The following SLC39A14 variants were observed in gnomAD, a reference collection of about 807,000 sequenced individuals.
SLC39A14 encodes the protein solute carrier family 39 member 14, also known as metal cation symporter ZIP14.
SLC39A14 carries 19 observed loss-of-function variants against 45.5 expected under a neutral mutation model. The observed-to-expected ratio is 0.42, with a 90% CI of 0.29 to 0.61. SLC39A14 has a LOEUF of 0.61. Among genes scored for constraint, SLC39A14 ranks in the 20% least tolerant of loss-of-function variants. The pLI is 0.22. For synonymous variants in SLC39A14, 264 were observed against 251.3 expected, an observed-to-expected ratio of 1.05 and a Z score of -0.48; for missense variants, 447 against 616.5, an observed-to-expected ratio of 0.73 and a Z score of 2.91.
Position 22,404,827 on chromosome 8 carries a change from C to G in SLC39A14, c.117C>G (p.Ser39Arg). Residue 39 changes from serine (S) to arginine (R), a missense_variant, in exon 2 of 9, where the codon AGC (serine) becomes AGG (arginine). Physicochemically the swap from Ser to Arg is moderately radical, Grantham distance 110 (BLOSUM62 -1). Around this residue, in one of 2 missense-constraint regions of SLC39A14, gnomAD observed 342 missense variants for 428.1 expected, o/e 0.80. Coordinates refer to ENST00000381237, the MANE Select transcript of SLC39A14 (RefSeq NM_001128431.4). The part of the protein sequence containing the change: ...HASSLGAPAI[S>R]AASFLQDLIH... ...CATCCCTGGGTGCACCAGCTATCAGCGCTGCCTCCTTCCTGCAGGATCTAA... is the reference window on the plus strand; with the variant it reads ...CATCCCTGGGTGCACCAGCTATCAGGGCTGCCTCCTTCCTGCAGGATCTAA... The G allele has an allele frequency of 6.2e-7, 1 of 1,613,622 alleles. No homozygotes were observed. Among genetic ancestry groups the G allele is most frequent in the East Asian group, 2.2e-5 (1 of 44,880 alleles).
Position 22,404,802 on chromosome 8 carries a change from C to T in SLC39A14, c.92C>T (p.Ser31Leu). Reference protein sequence around the residue: ...LWRTTPEAHASSLGAPAISAA... With the variant: ...LWRTTPEAHALSLGAPAISAA... Reference sequence around the variant, plus strand: ...AGAACCACCCCTGAGGCTCACGCTTCATCCCTGGGTGCACCAGCTATCAGC... The same window carrying T: ...AGAACCACCCCTGAGGCTCACGCTTTATCCCTGGGTGCACCAGCTATCAGC... Residue 31 changes from serine (S) to leucine (L), a missense_variant, in exon 2 of 9, where the codon TCA becomes TTA. Around this residue, in one of 2 missense-constraint regions of SLC39A14, gnomAD observed 342 missense variants for 428.1 expected, o/e 0.80. Coordinates refer to ENST00000381237, the MANE Select transcript of SLC39A14 (RefSeq NM_001128431.4). 6.2e-7 allele frequency: 1 copy of T among 1,613,560 alleles called. No homozygotes were observed. Among genetic ancestry groups the T allele is most frequent in the Non-Finnish European group, 8.5e-7 (1 of 1,179,514 alleles).
At chr8:22,407,202 A>T (rs1835274980) in intron 2 of SLC39A14, among the ~76,000 whole-genome samples, 1 of 152,162 alleles carries the variant, frequency 6.6e-6, no homozygotes. Context: ...ATCGGGCAGC[A>T]CCACAGTTTT....
At chr8:22,377,816 C>T (rs1833296574) in intron 1 of SLC39A14, among the ~76,000 whole-genome samples, 1 of 152,172 alleles carries the variant, frequency 6.6e-6, no homozygotes, top group African/African-American at 2.4e-5. Flanking sequence ...TCTGATTTTA[C>T]ATACTCTGTG....
chr8:22,391,951 C>G (rs901579230), intron 1 of SLC39A14, among the ~76,000 whole-genome samples: 1 of 152,222 alleles, frequency 6.6e-6, no homozygotes, highest in Non-Finnish European at 1.5e-5. Context: ...CTGTCTCTAG[C>G]ACATTATGTG....
At chr8:22,407,239 A>G (rs952966747) in intron 2 of SLC39A14, among the ~76,000 whole-genome samples, 4 of 152,212 alleles carry the variant, frequency 2.6e-5, no homozygotes, top group African/African-American at 9.6e-5. Context: ...TAGACATTTC[A>G]GCTTCAGAGA....
intron 8 of SLC39A14, among the ~76,000 whole-genome samples, chr8:22,418,399 G>A (rs1046109751): frequency 3.1e-4 from 47 of 152,194 alleles, no homozygotes; most frequent in African/African-American, 1.1e-3. Context: ...AATTATTATG[G>A]AATGGCTGTA....
At chr8:22,417,542 A>T (rs1835960137) in intron 7 of SLC39A14, 109 bp from the exon 8 acceptor site, 3 of 905,754 alleles carry the variant, frequency 3.3e-6, no homozygotes. Context: ...GAGCTCAAAC[A>T]GTCCTCCCAG....
chr8:22,422,600 T>C lies in SLC39A14; in HGVS notation c.*2902T>C. The C allele has an allele frequency of 1.0e-5, 10 of 983,962 alleles. No individual in the cohort carries two copies. The highest frequency in any genetic ancestry group is 1.2e-5 in the Non-Finnish European group (10 of 828,300). 61.0% of individuals were successfully genotyped at this position (983,962 alleles called of 1,614,324 possible). Reference sequence around the variant, plus strand: ...ATAACTCAGGTGTATGAGAAGAAATTAGAAAAGAAAATTAACTTATGTGGA... The same window carrying C: ...ATAACTCAGGTGTATGAGAAGAAATCAGAAAAGAAAATTAACTTATGTGGA... On this transcript the variant is annotated 3_prime_UTR_variant, in exon 9 of 9. Coordinates refer to ENST00000381237, the MANE Select transcript of SLC39A14 (RefSeq NM_001128431.4).
intron 3 of SLC39A14, chr8:22,409,899 C>G (rs758049906): frequency 6.2e-7 from 1 of 1,606,454 alleles, no homozygotes; most frequent in South Asian, 1.1e-5. Context: ...CAGGAGTGTC[C>G]CCACCCTCAG....
chr8:22,412,227 C>T, intron 4 of SLC39A14, 21 bp downstream of exon 4: 2 of 1,550,034 alleles, frequency 1.3e-6, no homozygotes, highest in Non-Finnish European at 1.7e-6. Flanking sequence ...CCAGGGCCTT[C>T]ACCCCGGAGC....
chr8:22,410,824 C>T (rs185071800), intron 3 of SLC39A14, among the ~76,000 whole-genome samples: 2 of 152,176 alleles, frequency 1.3e-5, no homozygotes, highest in African/African-American at 4.8e-5. Flanking sequence ...CCCAAGTTGA[C>T]AGTCTGCCCA....
intron 1 of SLC39A14, among the ~76,000 whole-genome samples, chr8:22,391,457 A>G (rs1369552540): frequency 3.3e-5 from 5 of 152,178 alleles, no homozygotes; most frequent in African/African-American, 1.2e-4. Context: ...TTTACTCTAG[A>G]GAAGTGCATA....
chr8:22,392,046 A>G (rs1169905417), intron 1 of SLC39A14, among the ~76,000 whole-genome samples: 1 of 152,224 alleles, frequency 6.6e-6, no homozygotes, highest in East Asian at 1.9e-4. Flanking sequence ...CATTTCAGAA[A>G]GTTATCTTCA....
downstream of SLC39A14, among the ~76,000 whole-genome samples, chr8:22,426,662 T>G (rs1164456019): frequency 6.6e-6 from 1 of 152,138 alleles, no homozygotes; most frequent in Non-Finnish European, 1.5e-5. Flanking sequence ...GTTTTTTTGA[T>G]GAAGTAATTC....
intron 1 of SLC39A14, among the ~76,000 whole-genome samples, chr8:22,369,610 A>G (rs554916690): frequency 1.5e-3 from 224 of 152,358 alleles, no homozygotes; most frequent in African/African-American, 5.1e-3. Context: ...CATACTGTGC[A>G]CAGTTCAGTT....
chr8:22,367,582 C>A lies in SLC39A14; in HGVS notation c.-16+174C>A, dbSNP rs900753748. ...TGGAGGCTGCACCTGGCCGTGGTGC[C>A]GCGCTGGCGAGGGGAGAGGTCAAGG... On this transcript the variant is annotated intron_variant, in intron 1 of 8. Coordinates refer to ENST00000381237, the MANE Select transcript of SLC39A14 (RefSeq NM_001128431.4). This position sits in a 1 kb window ranked among gnomAD's most constrained non-coding sequence, Gnocchi z 4.2. 1 of 152,504 alleles carries A rather than the reference C, an allele frequency of 6.6e-6. No individual in the cohort carries two copies. Among genetic ancestry groups the A allele is most frequent in the East Asian group, 1.9e-4 (1 of 5,188 alleles). 9.4% of individuals were successfully genotyped at this position (152,504 alleles called of 1,614,324 possible). A position where few individuals can be genotyped will look rare whatever the true frequency, so the allele number is the denominator to read the frequency against.
chr8:22,429,525 G>A (rs951727305), intron 8 of SLC39A14, among the ~76,000 whole-genome samples: 1 of 152,144 alleles, frequency 6.6e-6, no homozygotes, highest in Non-Finnish European at 1.5e-5. Flanking sequence ...TTTGTTCTTT[G>A]GATTCCTTTG....
At chr8:22,379,601 G>A (rs910476250) in intron 1 of SLC39A14, 7 of 152,228 alleles carry the variant, frequency 4.6e-5, no homozygotes, top group African/African-American at 1.7e-4. Context: ...TGTCTTTGTG[G>A]ATTCAATCAA....
chr8:22,384,002 T>C (rs1833650530), intron 1 of SLC39A14, among the ~76,000 whole-genome samples: 1 of 152,224 alleles, frequency 6.6e-6, no homozygotes, highest in South Asian at 2.1e-4. Flanking sequence ...AGAAATTCCA[T>C]GTCTCAGTTC....
Sources: allele counts gnomAD v4.1 joint callset (sites outside exome capture counted in the v4.1 genomes callset), GRCh38; gene constraint gnomAD v4.1.1; regional missense constraint gnomAD v4.1.1; non-coding constraint Gnocchi (gnomAD v3.1); transcripts MANE v1.5; gene names NCBI Gene and HGNC (gene_info 2026-07-23, HGNC 2026-07-21).